IGLL5: variants seen among roughly 807,000 people sequenced by gnomAD.
IGLL5 encodes immunoglobulin lambda like polypeptide 5.
Under a neutral mutation model 20.9 loss-of-function variants are expected in IGLL5, and 30 were observed. The ratio of observed to expected loss-of-function variants is 1.44; its 90% CI spans 1.07 to 1.95. IGLL5 has a LOEUF of 1.95. Ranked by LOEUF, IGLL5 falls within the 30% of genes most tolerant of loss-of-function variation. IGLL5 has a pLI of 0.00. For missense variants in IGLL5, 475 were observed against 270.7 expected (o/e 1.75, Z -5.30); for synonymous variants, 203 against 117.3 (o/e 1.73, Z -4.72).
At chr22:22,889,403 A>C (rs147697926) in intron 1 of IGLL5, among the ~76,000 whole-genome samples, 4 of 151,288 alleles carry the variant, frequency 2.6e-5, no homozygotes, top group East Asian at 2.0e-4. Flanking sequence ...AAGTGTGTTT[A>C]TCTAAACTGG....
intron 1 of IGLL5, among the ~76,000 whole-genome samples, chr22:22,889,026 G>A (rs2067677356): frequency 6.6e-6 from 1 of 151,310 alleles, no homozygotes; most frequent in African/African-American, 2.4e-5. Context: ...GAAGACCATA[G>A]GGTCCGTGCA....
chr22:22,894,637 T>C (rs557042549), intron 2 of IGLL5, among the ~76,000 whole-genome samples: 2 of 150,572 alleles, frequency 1.3e-5, no homozygotes, highest in South Asian at 2.1e-4. Context: ...ACTCCATGGC[T>C]ACCAGGTGAA....
rs149153411 is a variant in IGLL5, at chr22:22,888,520, C to T, written c.206+261C>T. Among the ~76,000 whole-genome samples the T allele has an allele frequency of 1.3e-4, 19 of 151,284 alleles. 1 individual carries two copies. Among genetic ancestry groups the T allele is most frequent in the East Asian group, 8.1e-4 (4 of 4,920 alleles). On this transcript the variant is annotated intron_variant, in intron 1 of 2. Coordinates refer to ENST00000526893, the MANE Select transcript of IGLL5 (RefSeq NM_001178126.2). Reference sequence around the variant, plus strand: ...ACTTAAATTTTCACCAGGGTCAGTGCCTCAATCACCTAGTCCTAGTCCTCT... The same window carrying T: ...ACTTAAATTTTCACCAGGGTCAGTGTCTCAATCACCTAGTCCTAGTCCTCT...
At chr22:22,892,568 C>T (rs1391008348) in intron 1 of IGLL5, among the ~76,000 whole-genome samples, 1 of 150,924 alleles carries the variant, frequency 6.6e-6, no homozygotes, top group Non-Finnish European at 1.5e-5. Flanking sequence ...TGAAGAGTAA[C>T]TTGCTGAAGT....
intron 2 of IGLL5, among the ~76,000 whole-genome samples, 164 bp downstream of exon 2, chr22:22,893,982 C>G (rs920769235): frequency 1.3e-5 from 2 of 151,154 alleles, no homozygotes; most frequent in South Asian, 2.1e-4. Flanking sequence ...TCCGGGTAAC[C>G]GGCAGGAAGG....
At chr22:22,893,923 G>GAC (rs2067948987) in intron 2 of IGLL5, 105 bp downstream of exon 2, 1 of 828,178 alleles carries the variant, frequency 1.2e-6, no homozygotes, top group African/African-American at 1.7e-5. Context: ...CCAGCCTTAA[G>GAC]CACTGACCCT....
At chr22:22,889,779 T>A (rs1279739547) in intron 1 of IGLL5, among the ~76,000 whole-genome samples, 1 of 151,220 alleles carries the variant, frequency 6.6e-6, no homozygotes, top group Non-Finnish European at 1.5e-5. Context: ...ATTATTAGTT[T>A]AGAGACAGAG....
At chr22:22,891,084 G>A (rs563794298) in intron 1 of IGLL5, among the ~76,000 whole-genome samples, 2 of 151,234 alleles carry the variant, frequency 1.3e-5, no homozygotes, top group African/African-American at 4.8e-5. Context: ...CCATAAAACT[G>A]TGGTAAATTT....
At chr22:22,889,358 A>C (rs528441820) in intron 1 of IGLL5, among the ~76,000 whole-genome samples, 1 of 151,108 alleles carries the variant, frequency 6.6e-6, no homozygotes, top group East Asian at 2.0e-4. Context: ...AAAAATGTAT[A>C]ACCATTTTAG....
chr22:22,889,810 C>A (rs2067755194), intron 1 of IGLL5, among the ~76,000 whole-genome samples: 1 of 151,266 alleles, frequency 6.6e-6, no homozygotes, highest in Admixed American at 6.6e-5. Flanking sequence ...TTGCTCAGGC[C>A]TGTCTCAAAT....
intron 2 of IGLL5, among the ~76,000 whole-genome samples, 153 bp downstream of exon 2, chr22:22,893,971 C>A (rs1569086905): frequency 1.3e-5 from 2 of 151,576 alleles, no homozygotes; most frequent in African/African-American, 4.8e-5. Context: ...GTGCATTAGT[C>A]TCCGGGTAAC....
intron 1 of IGLL5, among the ~76,000 whole-genome samples, chr22:22,889,180 A>C (rs2067693813): frequency 6.6e-6 from 1 of 151,062 alleles, no homozygotes; most frequent in African/African-American, 2.4e-5. Flanking sequence ...GGTGATGGCC[A>C]AGTCCAGGGT....
intron 1 of IGLL5, among the ~76,000 whole-genome samples, chr22:22,889,320 A>T (rs545022562): frequency 6.6e-6 from 1 of 150,992 alleles, no homozygotes; most frequent in African/African-American, 2.4e-5. Context: ...AGGGGAGCAG[A>T]CACGCTCGGG....
At chr22:22,889,076 T>TAGA in intron 1 of IGLL5, among the ~76,000 whole-genome samples, 1 of 151,128 alleles carries the variant, frequency 6.6e-6, no homozygotes, top group Non-Finnish European at 1.5e-5. Flanking sequence ...TGGATTTAGG[T>TAGA]AGATTGATTA....
chr22:22,895,138 GA>G lies in IGLL5; in HGVS notation c.326-236del, dbSNP rs552073688. Among the ~76,000 whole-genome samples, 272 of 151,496 alleles carry G rather than the reference GA, an allele frequency of 1.8e-3. 1 individual carries two copies. Among genetic ancestry groups the G allele is most frequent in the Non-Finnish European group, 3.3e-3 (224 of 67,874 alleles). ...ATGGAGAAATTGAGGCTGTAGAGGA[GA>G]GGGGCTGGGCCAGGACACCTGTGAA... On this transcript the variant is annotated intron_variant, in intron 2 of 2. Coordinates refer to ENST00000526893, the MANE Select transcript of IGLL5 (RefSeq NM_001178126.2).
chr22:22,888,353 A>C (rs564300029), intron 1 of IGLL5, 94 bp downstream of exon 1: 2 of 1,191,830 alleles, frequency 1.7e-6, no homozygotes, highest in South Asian at 1.4e-5. Context: ...GTGAGGAGGA[A>C]GGTTAACCCC....
chr22:22,894,483 T>A (rs192601169), intron 2 of IGLL5, among the ~76,000 whole-genome samples: 3 of 151,328 alleles, frequency 2.0e-5, no homozygotes, highest in East Asian at 2.0e-4. Context: ...GACAGTCTCT[T>A]AGGGCAGAGA....
At position 22,893,745 on chromosome 22, in the gene IGLL5, G is replaced by GC. The variant is rs746611273; in HGVS notation, c.256dup (p.Arg86ProfsTer6). On this transcript the variant is annotated frameshift_variant, in exon 2 of 3. Transcript: ENST00000526893. LOFTEE classifies it high-confidence loss of function. ...CCCAGAGAGCAGACCCCAGGTGCTGGCCCCGGGGGTTTTGGTCTGAGCCTC... is the reference window on the plus strand; with the variant it reads ...CCCAGAGAGCAGACCCCAGGTGCTGGCCCCCGGGGGTTTTGGTCTGAGCCTC... 2.2e-5 allele frequency: 35 copies of GC among 1,607,272 alleles called. No homozygotes were observed. Among genetic ancestry groups the GC allele is most frequent in the Non-Finnish European group, 3.0e-5 (35 of 1,177,054 alleles).
chr22:22,888,312 A>T, intron 1 of IGLL5, 53 bp downstream of exon 1: 4 of 1,500,914 alleles, frequency 2.7e-6, no homozygotes, highest in Middle Eastern at 2.4e-4. Flanking sequence ...AGAGCTGGGA[A>T]AGGGTGACCA....
Sources: allele counts gnomAD v4.1 joint callset (sites outside exome capture counted in the v4.1 genomes callset), GRCh38; gene constraint gnomAD v4.1.1; transcripts MANE v1.5; gene names NCBI Gene and HGNC (gene_info 2026-07-23, HGNC 2026-07-21).